Variants in INTS9 observed in about 807,000 individuals in gnomAD.
The protein encoded by INTS9 is integrator complex subunit 9, also known as protein related to CPSF subunits of 74 kDa.
Under a neutral mutation model 79.7 loss-of-function variants are expected in INTS9, and 55 were observed. That is an observed-to-expected ratio of 0.69 (90% CI 0.56 to 0.86). The LOEUF is 0.86. Ranked by LOEUF, INTS9 falls within the 40% of genes least tolerant of loss-of-function variation. The probability of loss-of-function intolerance (pLI) is 0.00; values close to 1 mark genes in which losing one functional copy is unlikely to be tolerated. For synonymous variants in INTS9, 319 were observed against 325.2 expected (o/e 0.98, Z 0.20); for missense variants, 721 against 831.5 (o/e 0.87, Z 1.64).
intron 6 of INTS9, among the ~76,000 whole-genome samples, chr8:28,814,049 G>C (rs915720221): frequency 6.7e-6 from 1 of 150,266 alleles, no homozygotes; most frequent in African/African-American, 2.5e-5. Flanking sequence ...ATGAGCCACC[G>C]TGCTCAGCCA....
chr8:28,859,673 G>T, intron 1 of INTS9, 110 bp from the exon 2 acceptor site: 1 of 1,222,884 alleles, frequency 8.2e-7, no homozygotes, highest in Non-Finnish European at 1.2e-6. Flanking sequence ...AGCGTGTTAA[G>T]TTCAGCTAAC....
intron 1 of INTS9, among the ~76,000 whole-genome samples, chr8:28,880,310 C>A (rs1299372979): frequency 6.6e-6 from 1 of 150,790 alleles, no homozygotes; most frequent in Non-Finnish European, 1.5e-5. Context: ...TGATGCCGAG[C>A]CAAAGCTGGA....
intron 14 of INTS9, 38 bp downstream of exon 14, chr8:28,775,721 A>G (rs1236743777): frequency 6.2e-7 from 1 of 1,602,940 alleles, no homozygotes; most frequent in Non-Finnish European, 8.5e-7. Context: ...GCCTCTGTGG[A>G]AAGCTCTAGT....
At chr8:28,777,446 C>A (rs944086177) in intron 13 of INTS9, among the ~76,000 whole-genome samples, 4 of 152,142 alleles carry the variant, frequency 2.6e-5, no homozygotes, top group Admixed American at 2.6e-4. Flanking sequence ...AACCCGACAG[C>A]ACTGTTTGTG....
intron 1 of INTS9, among the ~76,000 whole-genome samples, chr8:28,877,111 C>A (rs1809435147): frequency 1.3e-5 from 2 of 152,006 alleles, no homozygotes; most frequent in African/African-American, 4.8e-5. Context: ...ATGTAAAAAT[C>A]TAAGTTTTAT....
intron 1 of INTS9, among the ~76,000 whole-genome samples, chr8:28,863,614 A>C (rs939688089): frequency 1.3e-5 from 2 of 152,176 alleles, no homozygotes; most frequent in Non-Finnish European, 2.9e-5. Context: ...TGTCTCTACT[A>C]AAGATACAAA....
At chr8:28,854,823 A>C (rs1808051980) in intron 2 of INTS9, among the ~76,000 whole-genome samples, 2 of 152,176 alleles carry the variant, frequency 1.3e-5, no homozygotes. Context: ...GGGGAAACTG[A>C]GGGCAGGGCC....
At chr8:28,844,017 A>C (rs938472015) in intron 4 of INTS9, among the ~76,000 whole-genome samples, 11 of 152,192 alleles carry the variant, frequency 7.2e-5, no homozygotes, top group Non-Finnish European at 4.4e-5. Flanking sequence ...TGCAATATGC[A>C]ATTTACAGAG....
intron 6 of INTS9, among the ~76,000 whole-genome samples, chr8:28,820,172 T>C (rs1430142172): frequency 2.0e-5 from 3 of 152,204 alleles, no homozygotes; most frequent in Admixed American, 6.5e-5. Context: ...AATATTGTTA[T>C]ATGTGAATTT....
At chr8:28,832,478 C>T (rs530982077) in intron 6 of INTS9, among the ~76,000 whole-genome samples, 2 of 152,198 alleles carry the variant, frequency 1.3e-5, no homozygotes, top group South Asian at 2.1e-4. Flanking sequence ...ACACAAGAAG[C>T]GGCTGACACG....
At chr8:28,853,799 A>G (rs1807989915) in intron 2 of INTS9, among the ~76,000 whole-genome samples, 1 of 151,742 alleles carries the variant, frequency 6.6e-6, no homozygotes, top group Admixed American at 6.6e-5. Context: ...TTTGAGGCGG[A>G]GTCCCACCTC....
At chr8:28,837,919 C>A in intron 4 of INTS9, 143 bp from the exon 5 acceptor site, 1 of 824,478 alleles carries the variant, frequency 1.2e-6, no homozygotes, top group East Asian at 2.7e-5. Flanking sequence ...CTGCCATTCT[C>A]TCATTTGAAG....
At chr8:28,782,215 T>G (rs1445334975) in intron 11 of INTS9, among the ~76,000 whole-genome samples, 1 of 152,244 alleles carries the variant, frequency 6.6e-6, no homozygotes, top group African/African-American at 2.4e-5. Flanking sequence ...TATGGCCTGC[T>G]TTAGCTGGAC....
Position 28,777,336 on chromosome 8 carries a change from C to T in INTS9, c.1395+493G>A, listed in dbSNP as rs188451176. ...TCCGTGGCCCTGCCTTCCTGCTACG[C>T]GCGCCTCCTGGTCTACACTGCACCC... is the stretch of plus-strand genomic sequence containing the variant. On this transcript the variant is annotated intron_variant, in intron 13 of 16. Transcript: ENST00000521022. Among the ~76,000 whole-genome samples the T allele has an allele frequency of 1.5e-3, 224 of 152,054 alleles. 1 individual carries two copies. The highest frequency in any genetic ancestry group is 5.3e-3 in the African/African-American group (218 of 41,454).
intron 1 of INTS9, among the ~76,000 whole-genome samples, chr8:28,871,884 T>G (rs1048364574): frequency 6.6e-6 from 1 of 152,020 alleles, no homozygotes; most frequent in East Asian, 1.9e-4. Flanking sequence ...CCTTAATATA[T>G]AAAGAGCTCT....
intron 6 of INTS9, among the ~76,000 whole-genome samples, chr8:28,818,881 G>A (rs1805660456): frequency 6.6e-6 from 1 of 151,882 alleles, no homozygotes; most frequent in Admixed American, 6.6e-5. Context: ...TTAGTCTTGG[G>A]AGGGTGTATG....
At chr8:28,818,343 TGA>T (rs1421264026) in intron 6 of INTS9, among the ~76,000 whole-genome samples, 2 of 151,428 alleles carry the variant, frequency 1.3e-5, no homozygotes, top group Admixed American at 1.3e-4. Context: ...CCTAATTTAT[TGA>T]GAGTTTTTAG....
At chr8:28,836,870 T>A (rs1004638620) in intron 5 of INTS9, among the ~76,000 whole-genome samples, 1 of 152,206 alleles carries the variant, frequency 6.6e-6, no homozygotes, top group Non-Finnish European at 1.5e-5. Context: ...GGCTCTAGAA[T>A]CCAACCTAGG....
intron 8 of INTS9, 55 bp downstream of exon 8, chr8:28,812,272 G>C: frequency 6.4e-7 from 1 of 1,557,092 alleles, no homozygotes. Flanking sequence ...GATACATTCT[G>C]AATTTGACTT....
Sources: gnomAD v4.1 joint callset for allele counts (sites outside exome capture counted in the v4.1 genomes callset) on GRCh38, gnomAD v4.1.1 for gene constraint, MANE v1.5 for transcripts, NCBI Gene and HGNC (gene_info 2026-07-23, HGNC 2026-07-21) for gene names.